Variants in ENTPD6 observed in about 807,000 individuals in gnomAD.
ENTPD6 encodes CD39 antigen-like 2.
A neutral mutation model predicts 61.5 loss-of-function variants in ENTPD6; 46 were observed. That is an observed-to-expected ratio of 0.75 (90% CI 0.59 to 0.96). The LOEUF is 0.96. Ranked by LOEUF, ENTPD6 falls within the 40% of genes least tolerant of loss-of-function variation. ENTPD6 has a pLI of 0.00. For synonymous variants in ENTPD6, 252 were observed against 255.5 expected (o/e 0.99, Z 0.13); for missense variants, 612 against 629.0 (o/e 0.97, Z 0.29).
At position 25,195,715 on chromosome 20, in the gene ENTPD6, G is replaced by A. The variant is rs2090308284; in HGVS notation, c.-168G>A. ...CCTGTGACGCCACGTGCATGGGGCG[G>A]AGCCCAGGCCCTAGGGAATCGTGGG... On this transcript the variant is annotated 5_prime_UTR_variant, in exon 1 of 15. Coordinates refer to ENST00000376652, the MANE Select transcript of ENTPD6 (RefSeq NM_001247.5). 8.6e-6 allele frequency: 5 copies of A among 580,240 alleles called. No individual in the cohort carries two copies. The highest frequency in any genetic ancestry group is 1.3e-5 in the Non-Finnish European group (5 of 387,326). The allele number at this position is 580,240 out of a possible 1,614,324, so 35.9% of individuals were successfully genotyped here.
chr20:25,225,380 T>G, intron 14 of ENTPD6, 63 bp downstream of exon 14: 2 of 1,596,262 alleles, frequency 1.3e-6, no homozygotes, highest in South Asian at 2.2e-5. Context: ...GAACCACTTC[T>G]CCAGTTGCTG....
At chr20:25,206,100 G>A (rs765038037) in intron 1 of ENTPD6, among the ~76,000 whole-genome samples, 20 of 152,202 alleles carry the variant, frequency 1.3e-4, no homozygotes, top group Non-Finnish European at 2.2e-4. Flanking sequence ...CCACAGTCAC[G>A]AGGGGCTCTC....
intron 5 of ENTPD6, chr20:25,214,552 A>G (rs1325871402): frequency 6.3e-6 from 2 of 319,542 alleles, no homozygotes; most frequent in Non-Finnish European, 1.2e-5. Flanking sequence ...ATGGGCCTCA[A>G]CGAGCCCGGG....
At chr20:25,196,033 G>A (rs1172097113) in intron 1 of ENTPD6, 166 bp downstream of exon 1, 2 of 841,084 alleles carry the variant, frequency 2.4e-6, no homozygotes, top group Non-Finnish European at 3.2e-6. Context: ...AGGGCTCCCT[G>A]GATGTCTGGG....
chr20:25,214,317 G>C (rs1483984193), intron 5 of ENTPD6, among the ~76,000 whole-genome samples: 1 of 152,086 alleles, frequency 6.6e-6, no homozygotes, highest in East Asian at 1.9e-4. Context: ...AGCTTCTGTG[G>C]GTAGATCTTG....
intron 1 of ENTPD6, among the ~76,000 whole-genome samples, chr20:25,198,735 G>A (rs573874083): frequency 2.3e-4 from 19 of 80,996 alleles, no homozygotes; most frequent in Middle Eastern, 7.6e-3. Context: ...CTAGTGCCAC[G>A]TCTCTTCTCC....
intron 11 of ENTPD6, chr20:25,222,626 G>C (rs1026421314): frequency 5.5e-5 from 30 of 541,316 alleles, no homozygotes; most frequent in Non-Finnish European, 8.6e-5. Context: ...TTCACTCCCT[G>C]CGCCGGGACC....
At chr20:25,198,098 G>A (rs2090663452) in intron 1 of ENTPD6, among the ~76,000 whole-genome samples, 1 of 152,074 alleles carries the variant, frequency 6.6e-6, no homozygotes. Flanking sequence ...TAAATAAGGA[G>A]CAACTTTGCC....
At chr20:25,220,930 T>A (rs2123266134) in intron 10 of ENTPD6, among the ~76,000 whole-genome samples, 1 of 152,352 alleles carries the variant, frequency 6.6e-6, no homozygotes, top group East Asian at 1.9e-4. Flanking sequence ...TAAAACTGGG[T>A]AATGATGGCT....
chr20:25,208,041 C>G (rs899966002), intron 3 of ENTPD6, among the ~76,000 whole-genome samples: 5 of 152,222 alleles, frequency 3.3e-5, no homozygotes, highest in African/African-American at 1.2e-4. Flanking sequence ...GAGGTTCGCC[C>G]TCCATGTCTC....
intron 10 of ENTPD6, among the ~76,000 whole-genome samples, chr20:25,220,942 C>T (rs1287134785): frequency 6.6e-6 from 1 of 152,364 alleles, no homozygotes; most frequent in South Asian, 2.1e-4. Flanking sequence ...ATGATGGCTC[C>T]CCTCCTAAAA....
At chr20:25,196,836 C>T (rs114570073) in intron 1 of ENTPD6, among the ~76,000 whole-genome samples, 2,185 of 152,232 alleles carry the variant, frequency 0.014, 61 homozygotes, top group African/African-American at 0.05. Context: ...TGCTTTTTGT[C>T]CCCCTCCCCT....
chr20:25,213,209 T>TATGCTGCACTTGACA, intron 4 of ENTPD6, 54 bp from the exon 5 acceptor site: 1 of 1,610,054 alleles, frequency 6.2e-7, no homozygotes, highest in African/African-American at 1.3e-5. Flanking sequence ...GCAGCACGTG[T>TATGCTGCACTTGACA]GACCCTGTAT....
At chr20:25,204,728 C>T (rs2091321258) in intron 1 of ENTPD6, among the ~76,000 whole-genome samples, 1 of 152,208 alleles carries the variant, frequency 6.6e-6, no homozygotes. Flanking sequence ...GAAAGGTCCG[C>T]TCTGCTCCCT....
chr20:25,211,144 C>G (rs570674317), intron 4 of ENTPD6, among the ~76,000 whole-genome samples: 1 of 152,346 alleles, frequency 6.6e-6, no homozygotes, highest in African/African-American at 2.4e-5. Context: ...GTTGTAACTT[C>G]CATTTGGTTC....
chr20:25,210,166 A>C (rs931715899), intron 4 of ENTPD6, among the ~76,000 whole-genome samples: 1 of 152,230 alleles, frequency 6.6e-6, no homozygotes, highest in Non-Finnish European at 1.5e-5. Context: ...CACTTCTCCA[A>C]CGTGGGGGTC....
At chr20:25,210,232 ATTT>A (rs1334903168) in intron 4 of ENTPD6, among the ~76,000 whole-genome samples, 1 of 152,232 alleles carries the variant, frequency 6.6e-6, no homozygotes, top group Admixed American at 6.5e-5. Context: ...AAAAATCATT[ATTT>A]GATAGTTTGC....
intron 1 of ENTPD6, among the ~76,000 whole-genome samples, chr20:25,205,843 G>A (rs773930434): frequency 6.6e-6 from 1 of 152,224 alleles, no homozygotes; most frequent in Non-Finnish European, 1.5e-5. Flanking sequence ...TCAGGAAGGA[G>A]GGGCCAGGAA....
intron 12 of ENTPD6, 49 bp downstream of exon 12, chr20:25,223,027 C>CGGCGGGGGGG: frequency 1.4e-5 from 7 of 490,350 alleles, no homozygotes; most frequent in Non-Finnish European, 2.2e-5. Flanking sequence ...CGGCAGGGGG[C>CGGCGGGGGGG]GGGGGTGGAG....
Sources: allele counts gnomAD v4.1 joint callset (sites outside exome capture counted in the v4.1 genomes callset), GRCh38; gene constraint gnomAD v4.1.1; transcripts MANE v1.5; gene names NCBI Gene and HGNC (gene_info 2026-07-23, HGNC 2026-07-21).